The following ACADL variants were observed in gnomAD, a reference collection of about 807,000 sequenced individuals.
The protein encoded by ACADL is acyl-CoA dehydrogenase long chain, also known as long-chain specific acyl-CoA dehydrogenase, mitochondrial.
In ACADL, 60 loss-of-function variants were observed where a neutral mutation model predicts 56.9. The observed-to-expected ratio is 1.05, with a 90% confidence interval of 0.86 to 1.31. ACADL has a LOEUF of 1.31. Ranked by LOEUF, ACADL falls within the 50% of genes most tolerant of loss-of-function variation. The pLI, the probability that ACADL is intolerant of heterozygous loss-of-function variation, is 0.00. For synonymous variants in ACADL, 158 were observed against 179.7 expected (o/e 0.88, Z 0.97); for missense variants, 484 against 525.5 (o/e 0.92, Z 0.77).
chr2:210,212,210 A>G (rs1240843218), intron 4 of ACADL, among the ~76,000 whole-genome samples: 1 of 151,912 alleles, frequency 6.6e-6, no homozygotes, highest in East Asian at 1.9e-4. Flanking sequence ...TATACCCTAG[A>G]GGCTGTTGTA....
chr2:210,210,818 C>G (rs565431573), intron 4 of ACADL, among the ~76,000 whole-genome samples: 1 of 152,056 alleles, frequency 6.6e-6, no homozygotes, highest in Non-Finnish European at 1.5e-5. Flanking sequence ...TGGTGGCACA[C>G]GCCTGTGGTC....
chr2:210,207,714 C>T (rs1248665858), intron 5 of ACADL, among the ~76,000 whole-genome samples: 1 of 152,234 alleles, frequency 6.6e-6, no homozygotes, highest in East Asian at 1.9e-4. Flanking sequence ...ATGCACAGCA[C>T]TGATACATAC....
Position 210,188,800 on chromosome 2 carries a change from C to T in ACADL, c.*161G>A. On this transcript the variant is annotated 3_prime_UTR_variant, in exon 11 of 11. Transcript: ENST00000233710. Reference sequence around the variant, plus strand: ...AGAATTTTGGCTTCAAAGATTTGTCCTTCCACTGTGTTAATCTTATATTTA... The same window carrying T: ...AGAATTTTGGCTTCAAAGATTTGTCTTTCCACTGTGTTAATCTTATATTTA... 1 of 593,122 alleles carries T rather than the reference C, an allele frequency of 1.7e-6. No individual in the cohort carries two copies. Among genetic ancestry groups the T allele is most frequent in the Admixed American group, 2.8e-5 (1 of 35,268 alleles). 36.7% of individuals were successfully genotyped at this position (593,122 alleles called of 1,614,324 possible).
chr2:210,200,314 T>C (rs1285796557), intron 8 of ACADL, among the ~76,000 whole-genome samples: 1 of 152,186 alleles, frequency 6.6e-6, no homozygotes, highest in Non-Finnish European at 1.5e-5. Context: ...TCAGTTTTTC[T>C]CAATGGGAAA....
chr2:210,218,195 G>A lies in ACADL; in HGVS notation c.234-93C>T, dbSNP rs1689120268. 4.0e-6 allele frequency: 5 copies of A among 1,239,652 alleles called. No individual in the cohort carries two copies. In the South Asian group the frequency reaches 6.6e-5, roughly 16 times the overall value. The allele number at this position is 1,239,652 out of a possible 1,614,324, so 76.8% of individuals were successfully genotyped here. A position where few individuals can be genotyped will look rare whatever the true frequency, so the allele number is the denominator to read the frequency against. On this transcript the variant is annotated intron_variant, in intron 2 of 10. Coordinates refer to ENST00000233710, the MANE Select transcript of ACADL (RefSeq NM_001608.4). ...CTTATGAATGATTTTGTGTAGAAAT[G>A]CATTCTTAATTTAAGGTAGTTATTT... is the stretch of plus-strand genomic sequence containing the variant.
In ACADL at chr2:210,225,182, C is replaced by T; in HGVS notation, c.77+5G>A. Reference sequence around the variant, plus strand: ...GCAGCCGCGGAAGTCCCGGCTGGCACTCACCGCGCGGCGGGCAGCTGGCGC... The same window carrying T: ...GCAGCCGCGGAAGTCCCGGCTGGCATTCACCGCGCGGCGGGCAGCTGGCGC... On this transcript the variant is annotated splice_donor_5th_base_variant and intron_variant, in intron 1 of 10. Transcript: ENST00000233710. The T allele has an allele frequency of 6.5e-7, 1 of 1,531,600 alleles. No individual in the cohort carries two copies. The highest frequency in any genetic ancestry group is 2.2e-4 in the Middle Eastern group (1 of 4,462). The allele number at this position is 1,531,600 out of a possible 1,614,324, so 94.9% of individuals were successfully genotyped here. A position where few individuals can be genotyped will look rare whatever the true frequency, so the allele number is the denominator to read the frequency against.
chr2:210,222,510 A>AAC (rs1366102632), intron 1 of ACADL, among the ~76,000 whole-genome samples: 5 of 137,292 alleles, frequency 3.6e-5, no homozygotes, highest in African/African-American at 1.5e-4. Context: ...CAAACAAACA[A>AAC]AAAAAAAAAA....
intron 10 of ACADL, among the ~76,000 whole-genome samples, chr2:210,191,019 C>G (rs1263964044): frequency 6.6e-6 from 1 of 151,130 alleles, no homozygotes; most frequent in African/African-American, 2.4e-5. Context: ...CGGGTTAGAG[C>G]GATTCTCATG....
rs1169900989 is a variant in ACADL, at chr2:210,204,687, G to A, written c.769-5C>T. ...AAAGAATAGTTCTGCGGTATCCTAA[G>A]AGACCATACAAAAAATGTAGAGAAT... On this transcript the variant is annotated splice_region_variant and splice_polypyrimidine_tract_variant and intron_variant, in intron 6 of 10. Transcript: ENST00000233710. The A allele has an allele frequency of 6.3e-7, 1 of 1,583,734 alleles. No individual in the cohort carries two copies. Among genetic ancestry groups the A allele is most frequent in the Non-Finnish European group, 8.7e-7 (1 of 1,152,744 alleles).
In ACADL at chr2:210,203,444, CCTATA is replaced by C. The variant is rs1440485292; in HGVS notation, c.871-5_871-1del. 6.2e-7 allele frequency: 1 copy of C among 1,607,534 alleles called. No homozygotes were observed. Among genetic ancestry groups the C allele is most frequent in the Non-Finnish European group, 8.5e-7 (1 of 1,175,110 alleles). On this transcript the variant is annotated splice_acceptor_variant and splice_polypyrimidine_tract_variant and intron_variant, in intron 7 of 10. Transcript: ENST00000233710. LOFTEE classifies it high-confidence loss of function. ...GCCACATCAGCAATTAACAGCCTTTCCTATAACACAAAAATTAGGTCTTAAACATT... is the reference window on the plus strand; with the variant it reads ...GCCACATCAGCAATTAACAGCCTTTCACACAAAAATTAGGTCTTAAACATT...
intron 8 of ACADL, among the ~76,000 whole-genome samples, chr2:210,202,395 G>A (rs1345246420): frequency 3.9e-5 from 6 of 152,080 alleles, no homozygotes; most frequent in Non-Finnish European, 8.8e-5. Flanking sequence ...GCCTGGCCAC[G>A]TTATTTAAAG....
intron 1 of ACADL, chr2:210,224,846 A>G (rs1404956672): frequency 9.6e-7 from 1 of 1,039,198 alleles, no homozygotes; most frequent in Non-Finnish European, 1.2e-6. Flanking sequence ...TCCTCCCAAA[A>G]CGCAGGCTCC....
chr2:210,214,509 A>AAGAAAGGG lies in ACADL; in HGVS notation c.536+1837_536+1838insCCCTTTCT, dbSNP rs1553690970. The stretch of plus-strand genomic sequence containing the variant: ...AAAGAAAGAAAGAAAGAAAGAAAGA[A>AAGAAAGGG]AAAGAAAGAAAGAAAGAAAGAAATC... On this transcript the variant is annotated intron_variant, in intron 4 of 10. Transcript: ENST00000233710. Among the ~76,000 whole-genome samples, 4 of 18,898 alleles carry AAGAAAGGG rather than the reference A, an allele frequency of 2.1e-4. No homozygotes were observed. The Admixed American group carries it at 2.8e-3, about 13-fold the overall frequency. 12.4% of individuals were successfully genotyped at this position (18,898 alleles called of 152,430 possible).
rs368441451 is a variant in ACADL at position 210,192,904 on chromosome 2, A to G, written c.1113-14T>C. 8 of 1,602,546 alleles carry G rather than the reference A, an allele frequency of 5.0e-6. No homozygotes were observed. The highest frequency in any genetic ancestry group is 6.8e-6 in the Non-Finnish European group (8 of 1,169,680). Reference sequence around the variant, plus strand: ...AACTCAGATGCCCTAAATGACCAAAATAAAAGGCAGAAAAGAAATGTTTGA... The same window carrying G: ...AACTCAGATGCCCTAAATGACCAAAGTAAAAGGCAGAAAAGAAATGTTTGA... On this transcript the variant is annotated splice_polypyrimidine_tract_variant and intron_variant, in intron 9 of 10. Coordinates refer to ENST00000233710, the MANE Select transcript of ACADL (RefSeq NM_001608.4).
chr2:210,221,996 T>C (rs994907129), intron 1 of ACADL, among the ~76,000 whole-genome samples: 7 of 152,320 alleles, frequency 4.6e-5, no homozygotes, highest in African/African-American at 1.7e-4. Flanking sequence ...TCCAAAGGGC[T>C]GAGACTACAG....
intron 4 of ACADL, among the ~76,000 whole-genome samples, chr2:210,212,224 T>C (rs1688994931): frequency 6.6e-6 from 1 of 152,044 alleles, no homozygotes; most frequent in South Asian, 2.1e-4. Flanking sequence ...TGTTGTACCT[T>C]ACATGGAAAA....
At chr2:210,195,068 A>C in intron 9 of ACADL, 143 bp downstream of exon 9, 1 of 1,069,804 alleles carries the variant, frequency 9.3e-7, no homozygotes, top group Non-Finnish European at 1.4e-6. Context: ...ACTTTTTAGC[A>C]TTTTTTTTTA....
At chr2:210,207,572 A>G (rs2125713526) in intron 5 of ACADL, among the ~76,000 whole-genome samples, 1 of 152,252 alleles carries the variant, frequency 6.6e-6, no homozygotes, top group Non-Finnish European at 1.5e-5. Flanking sequence ...ATTGGCCAAA[A>G]GGTCTCAAAT....
At chr2:210,217,388 A>G (rs1028472007) in intron 3 of ACADL, 1 of 152,772 alleles carries the variant, frequency 6.5e-6, no homozygotes, top group Admixed American at 6.5e-5. Flanking sequence ...CCAATAGTGT[A>G]TGTCACTTTC....
Sources: allele counts gnomAD v4.1 joint callset (sites outside exome capture counted in the v4.1 genomes callset), GRCh38; gene constraint gnomAD v4.1.1; transcripts MANE v1.5; gene names NCBI Gene and HGNC (gene_info 2026-07-23, HGNC 2026-07-21).